STX2: variants seen among roughly 807,000 people sequenced by gnomAD.
STX2 encodes syntaxin-2.
Under a neutral mutation model 40.6 loss-of-function variants are expected in STX2, and 27 were observed. The ratio of observed to expected loss-of-function variants is 0.66; its 90% CI spans 0.49 to 0.92. The LOEUF is 0.92. STX2 is among the 40% of genes least tolerant of loss of function. The pLI is 0.00. For missense variants in STX2, 328 were observed against 366.1 expected (o/e 0.90, Z 0.85); for synonymous variants, 123 against 119.1 (o/e 1.03, Z -0.22).
chr12:130,817,717 C>CA (rs535001411), intron 3 of STX2, among the ~76,000 whole-genome samples: 67 of 136,126 alleles, frequency 4.9e-4, no homozygotes, highest in Middle Eastern at 3.6e-3. Context: ...AATTAGCTGA[C>CA]AAAAAAAAAA....
intron 3 of STX2, among the ~76,000 whole-genome samples, chr12:130,816,673 T>TAAATA (rs777652378): frequency 6.6e-6 from 1 of 151,532 alleles, no homozygotes; most frequent in Non-Finnish European, 1.5e-5. Context: ...GGTGCGAAAA[T>TAAATA]AAATAAAATA....
chr12:130,809,120 G>A (rs1384180118), intron 4 of STX2, among the ~76,000 whole-genome samples: 2 of 152,178 alleles, frequency 1.3e-5, no homozygotes, highest in Non-Finnish European at 1.5e-5. Flanking sequence ...GCCTGCCTTG[G>A]CATCCCAAAG....
At chr12:130,814,011 C>T (rs1951759911) in intron 3 of STX2, among the ~76,000 whole-genome samples, 1 of 152,192 alleles carries the variant, frequency 6.6e-6, no homozygotes, top group Non-Finnish European at 1.5e-5. Context: ...CCTGACACCC[C>T]CTCAGCTGAG....
Position 130,821,694 on chromosome 12 carries a change from T to G in STX2, c.200A>C (p.Glu67Ala), listed in dbSNP as rs773968102. Residue 67 changes from glutamate (E) to alanine (A), a missense_variant, in exon 3 of 11, where the codon GAA becomes GCA. By Grantham distance (107) the Glu-to-Ala change is moderately radical. Coordinates refer to ENST00000392373, the MANE Select transcript of STX2 (RefSeq NM_194356.4). ...HSIILSAPNP[E>A]GKIKEELEDL... ...TGTGAAAACCAACAACTTACTTCCT[T>G]CCGGGTTTGGTGCAGAAAGAATGAT... The G allele has an allele frequency of 1.9e-6, 3 of 1,613,500 alleles. No individual in the cohort carries two copies. The Admixed American group carries it at 5.0e-5, about 27-fold the overall frequency.
At chr12:130,834,019 T>C (rs969778229) in intron 1 of STX2, among the ~76,000 whole-genome samples, 20 of 152,192 alleles carry the variant, frequency 1.3e-4, no homozygotes, top group African/African-American at 4.3e-4. Context: ...CAAGACAAGA[T>C]GGGCCATCTG....
chr12:130,801,347 T>C, intron 7 of STX2, 57 bp from the exon 8 acceptor site: 1 of 1,591,712 alleles, frequency 6.3e-7, no homozygotes, highest in South Asian at 1.1e-5. Flanking sequence ...GTTTGGAAGT[T>C]AAAGGGTTTT....
chr12:130,820,253 A>G (rs1200551740), intron 3 of STX2, among the ~76,000 whole-genome samples: 6 of 152,248 alleles, frequency 3.9e-5, no homozygotes, highest in Admixed American at 3.3e-4. Flanking sequence ...GTACAGAGAC[A>G]ATCCAACATA....
At chr12:130,794,210 A>G (rs1410294701) in intron 10 of STX2, among the ~76,000 whole-genome samples, 2 of 152,242 alleles carry the variant, frequency 1.3e-5, no homozygotes, top group Non-Finnish European at 2.9e-5. Flanking sequence ...AAATACTACT[A>G]TAACAATGAA....
intron 2 of STX2, 60 bp downstream of exon 2, chr12:130,827,133 G>A (rs1487813427): frequency 4.2e-6 from 3 of 721,774 alleles, no homozygotes; most frequent in Middle Eastern, 5.3e-4. Flanking sequence ...AGGGAGGGGT[G>A]GGGGGAGGGA....
intron 3 of STX2, among the ~76,000 whole-genome samples, chr12:130,818,185 A>AAAAAAAATAT: frequency 3.1e-4 from 22 of 70,536 alleles, no homozygotes; most frequent in African/African-American, 1.5e-3. Context: ...AAAAAAAAAA[A>AAAAAAAATAT]ATATATATAT....
At chr12:130,816,585 C>A (rs1180446393) in intron 3 of STX2, among the ~76,000 whole-genome samples, 1 of 152,156 alleles carries the variant, frequency 6.6e-6, no homozygotes, top group Non-Finnish European at 1.5e-5. Flanking sequence ...TCAGCTCAAT[C>A]CTGCTGCTGA....
At chr12:130,805,570 G>A (rs1464012532) in intron 6 of STX2, among the ~76,000 whole-genome samples, 4 of 152,192 alleles carry the variant, frequency 2.6e-5, no homozygotes, top group Non-Finnish European at 2.9e-5. Flanking sequence ...GAGGGAACAC[G>A]CTGCCAGGCA....
chr12:130,790,553 TTTAA>T lies in STX2; in HGVS notation c.*1466_*1469del, dbSNP rs1191818490. On this transcript the variant is annotated 3_prime_UTR_variant, in exon 11 of 11. Coordinates refer to ENST00000392373, the MANE Select transcript of STX2 (RefSeq NM_194356.4). The stretch of plus-strand genomic sequence containing the variant: ...ACTAAAAAAATGAGCAATAAAAAGG[TTTAA>T]TTATCATGAATCCCTATACATTTTG... 3 of 152,208 alleles carry T rather than the reference TTTAA, an allele frequency of 2.0e-5. No individual in the cohort carries two copies. Among genetic ancestry groups the T allele is most frequent in the Non-Finnish European group, 2.9e-5 (2 of 68,036 alleles). The allele number at this position is 152,208 out of a possible 1,614,324, so 9.4% of individuals were successfully genotyped here.
At chr12:130,798,250 CAAAAAAAA>C (rs5801935) in intron 9 of STX2, 1 of 147,114 alleles carries the variant, frequency 6.8e-6, no homozygotes, top group South Asian at 1.7e-4. Context: ...AACTCCAATT[CAAAAAAAA>C]AAAAAAAAAA....
At chr12:130,827,376 G>A (rs1952362446) in intron 1 of STX2, 109 bp from the exon 2 acceptor site, 1 of 770,052 alleles carries the variant, frequency 1.3e-6, no homozygotes. Flanking sequence ...ACTCACTACA[G>A]CACCAAATTG....
intron 6 of STX2, among the ~76,000 whole-genome samples, chr12:130,802,320 CCT>C (rs748689385): frequency 6.6e-5 from 10 of 152,134 alleles, no homozygotes; most frequent in East Asian, 3.9e-4. Context: ...GCCTCTGACC[CCT>C]GAGTGGTGGG....
chr12:130,808,225 C>G (rs572140465), intron 5 of STX2, among the ~76,000 whole-genome samples: 1 of 152,310 alleles, frequency 6.6e-6, no homozygotes, highest in South Asian at 2.1e-4. Context: ...TCCTCTCTTC[C>G]CACATGTGAA....
intron 3 of STX2, among the ~76,000 whole-genome samples, chr12:130,818,185 A>AAAAAAAAAT: frequency 8.5e-5 from 6 of 70,544 alleles, no homozygotes; most frequent in African/African-American, 5.9e-4. Context: ...AAAAAAAAAA[A>AAAAAAAAAT]ATATATATAT....
In STX2 at chr12:130,811,741, G is replaced by A. The variant is rs147474703; in HGVS notation, c.280+1216C>T. Among the ~76,000 whole-genome samples, 658 of 152,024 alleles carry A rather than the reference G, an allele frequency of 4.3e-3. 3 individuals carry two copies. The highest frequency in any genetic ancestry group is 0.015 in the African/African-American group (625 of 41,456). The stretch of plus-strand genomic sequence containing the variant: ...TTTTTAGTAGAGACGGGGTTTCACC[G>A]TGTTAGCCAGGATAAGTCTCGATCT... On this transcript the variant is annotated intron_variant, in intron 4 of 10. Transcript: ENST00000392373.
Sources: allele counts gnomAD v4.1 joint callset (sites outside exome capture counted in the v4.1 genomes callset), GRCh38; gene constraint gnomAD v4.1.1; transcripts MANE v1.5; gene names NCBI Gene and HGNC (gene_info 2026-07-23, HGNC 2026-07-21).